The following KLC3 variants were observed in gnomAD, a reference collection of about 807,000 sequenced individuals.
KLC3 encodes the protein kinesin light chain 2.
KLC3 carries 72 observed loss-of-function variants against 62.9 expected under a neutral mutation model. The ratio of observed to expected loss-of-function variants is 1.15; its 90% CI spans 0.95 to 1.39. KLC3 has a LOEUF of 1.39. KLC3 is among the 40% of genes most tolerant of loss of function. The probability of loss-of-function intolerance (pLI) is 0.00; values close to 1 mark genes in which losing one functional copy is unlikely to be tolerated. For missense variants in KLC3, 848 were observed against 691.6 expected (o/e 1.23, Z -2.54); for synonymous variants, 377 against 300.5 (o/e 1.25, Z -2.63).
At chr19:45,343,124 C>A (rs571758434) in intron 1 of KLC3, among the ~76,000 whole-genome samples, 1 of 152,070 alleles carries the variant, frequency 6.6e-6, no homozygotes, top group East Asian at 1.9e-4. Flanking sequence ...GGGAAACTGG[C>A]GAGGGATCCA....
In KLC3 at chr19:45,350,587, C is replaced by G. The variant is rs375570963; in HGVS notation, c.1272+36C>G. On this transcript the variant is annotated intron_variant, in intron 10 of 12. Transcript: ENST00000391946. Reference sequence around the variant, plus strand: ...GCTGTGCTTCGGCTCCTGGGGTGGGCGTGGGGACTGCATGGGCCTGGGGGA... The same window carrying G: ...GCTGTGCTTCGGCTCCTGGGGTGGGGGTGGGGACTGCATGGGCCTGGGGGA... 6.6e-5 allele frequency: 107 copies of G among 1,613,764 alleles called. No individual in the cohort carries two copies. The African/African-American group carries it at 1.3e-3, about 19-fold the overall frequency.
At chr19:45,351,225 A>C in intron 12 of KLC3, 61 bp from the exon 13 acceptor site, 1 of 1,591,062 alleles carries the variant, frequency 6.3e-7, no homozygotes, top group South Asian at 1.1e-5. Context: ...CTGGAGCTGG[A>C]GGGTGGATGT....
At chr19:45,343,847 TTC>T (rs994110362) in intron 1 of KLC3, among the ~76,000 whole-genome samples, 2 of 151,994 alleles carry the variant, frequency 1.3e-5, no homozygotes, top group South Asian at 2.1e-4. Flanking sequence ...TGTCCTTTCT[TTC>T]TTTCTTTTTT....
At chr19:45,345,926 G>A in intron 2 of KLC3, 127 bp downstream of exon 2, 1 of 1,116,544 alleles carries the variant, frequency 9.0e-7, no homozygotes, top group African/African-American at 1.6e-5. Flanking sequence ...CACACTTTGG[G>A]AGGCTGAGGT....
intron 2 of KLC3, among the ~76,000 whole-genome samples, chr19:45,346,072 G>A (rs934463877): frequency 6.6e-6 from 1 of 152,192 alleles, no homozygotes; most frequent in South Asian, 2.1e-4. Flanking sequence ...TGAGGCATGA[G>A]AATCGCTTGA....
chr19:45,347,993 T>C lies in KLC3; in HGVS notation c.612T>C (p.Pro204=). The C allele has an allele frequency of 1.2e-6, 2 of 1,609,236 alleles. No individual in the cohort carries two copies. Among genetic ancestry groups the C allele is most frequent in the Non-Finnish European group, 1.7e-6 (2 of 1,178,044 alleles). The change falls in exon 5 of 13, where the codon CCT becomes CCC. Residue 204 remains proline, a synonymous_variant. Coordinates refer to ENST00000391946, the MANE Select transcript of KLC3 (RefSeq NM_177417.3). ...AAAQQGGYEI[P]ARLRTLHNLV... ...CTCAGCAGGGTGGCTATGAGATCCC[T>C]GCCCGCCTTCGGACCCTGCATAACC...
chr19:45,347,652 G>C (rs1971536178), intron 4 of KLC3, 136 bp downstream of exon 4: 5 of 794,072 alleles, frequency 6.3e-6, no homozygotes, highest in Non-Finnish European at 1.0e-5. Flanking sequence ...GAATGTGACA[G>C]TGCAGGTGAG....
chr19:45,347,352 A>AG, intron 3 of KLC3, 95 bp from the exon 4 acceptor site: 1 of 931,910 alleles, frequency 1.1e-6, no homozygotes. Flanking sequence ...AAAAAAAAAA[A>AG]AAAACAAAAA....
intron 3 of KLC3, 90 bp from the exon 4 acceptor site, chr19:45,347,354 AAAC>A (rs1192933843): frequency 9.2e-5 from 87 of 947,942 alleles, no homozygotes; most frequent in African/African-American, 1.6e-4. Flanking sequence ...AAAAAAAAAA[AAAC>A]AAAAAAACAA....
At chr19:45,344,363 G>A (rs183570534) in intron 1 of KLC3, among the ~76,000 whole-genome samples, 11 of 148,964 alleles carry the variant, frequency 7.4e-5, no homozygotes, top group African/African-American at 2.0e-4. Flanking sequence ...ACAGGCATGC[G>A]CCACCATGCT....
chr19:45,350,749 T>TGAGTGTTGATC lies in KLC3; in HGVS notation c.1379+3_1379+13dup, dbSNP rs983813733. On this transcript the variant is annotated splice_region_variant and intron_variant, in intron 11 of 12. Transcript: ENST00000391946. ...CGAGGCGGCGGCAGGAGCAGCCGGG[T>TGAGTGTTGATC]GAGTGTTGATCAGGTCGGCAAAGAG... is the stretch of plus-strand genomic sequence containing the variant. 2.5e-6 allele frequency: 4 copies of TGAGTGTTGATC among 1,607,252 alleles called. No individual in the cohort carries two copies. Among genetic ancestry groups the TGAGTGTTGATC allele is most frequent in the Non-Finnish European group, 3.4e-6 (4 of 1,177,402 alleles).
intron 1 of KLC3, among the ~76,000 whole-genome samples, chr19:45,341,251 G>C (rs1971388695): frequency 6.7e-6 from 1 of 149,654 alleles, no homozygotes; most frequent in African/African-American, 2.5e-5. Flanking sequence ...TCAGGCTGTG[G>C]GTATGAGGGT....
intron 1 of KLC3, among the ~76,000 whole-genome samples, chr19:45,341,186 T>TGTGTGTGTGTG (rs1568519123): frequency 1.4e-3 from 156 of 111,924 alleles, no homozygotes; most frequent in African/African-American, 4.9e-3. Context: ...CTGCCTGTGT[T>TGTGTGTGTGTG]TGTGTGTGTG....
At position 45,347,533 on chromosome 19, in the gene KLC3, C is replaced by T; in HGVS notation, c.559+17C>T. On this transcript the variant is annotated intron_variant, in intron 4 of 12. Coordinates refer to ENST00000391946, the MANE Select transcript of KLC3 (RefSeq NM_177417.3). ...AGAGGAAAGGTGGGTGTTGGGAGTA[C>T]ATGCCACAGAGGATGGCAGGCCAGG... 1.9e-6 allele frequency: 3 copies of T among 1,601,958 alleles called. No homozygotes were observed. Among genetic ancestry groups the T allele is most frequent in the Middle Eastern group, 1.7e-4 (1 of 5,984 alleles).
rs867029569 is a variant in KLC3 at position 45,341,583 on chromosome 19, G to A, written c.-9+737G>A. Among the ~76,000 whole-genome samples, 9 of 150,134 alleles carry A rather than the reference G, an allele frequency of 6.0e-5. No homozygotes were observed. In the South Asian group the frequency reaches 1.7e-3, roughly 28 times the overall value. On this transcript the variant is annotated intron_variant, in intron 1 of 12. Coordinates refer to ENST00000391946, the MANE Select transcript of KLC3 (RefSeq NM_177417.3). ...TGTGTGTGTGTGTGTGTGTGTGCGC[G>A]CGCGCGTGTGGTGGACAGTGTGGCA...
At chr19:45,341,214 GGCT>G (rs1429911153) in intron 1 of KLC3, among the ~76,000 whole-genome samples, 1 of 150,934 alleles carries the variant, frequency 6.6e-6, no homozygotes, top group Middle Eastern at 3.2e-3. Flanking sequence ...GTGTGTGTGT[GGCT>G]TTGCGTGTGT....
At chr19:45,349,889 C>T (rs1426936919) in intron 8 of KLC3, 22 of 470,784 alleles carry the variant, frequency 4.7e-5, no homozygotes, top group South Asian at 1.9e-4. Flanking sequence ...CCTCTTAGCC[C>T]GGTCCCCACA....
At chr19:45,347,347 A>C in intron 3 of KLC3, 100 bp from the exon 4 acceptor site, 1 of 897,598 alleles carries the variant, frequency 1.1e-6, no homozygotes, top group Non-Finnish European at 1.7e-6. Context: ...TCTCAAAAAA[A>C]AAAAAAAAAC....
rs904013464 is a variant in KLC3, at chr19:45,351,313, C to T, written c.1471C>T (p.Pro491Ser). Reference protein sequence around the residue: ...QFPSWHLDKAPRTLSASTQDL... With the variant: ...QFPSWHLDKASRTLSASTQDL... Reference sequence around the variant, plus strand: ...TCCCAGCTGGCACCTGGACAAGGCCCCTCGGACCCTCAGCGCCAGCACCCA... The same window carrying T: ...TCCCAGCTGGCACCTGGACAAGGCCTCTCGGACCCTCAGCGCCAGCACCCA... The change falls in exon 13 of 13, where the codon CCT (proline) becomes TCT (serine). Residue 491 changes from proline (P) to serine (S), a missense_variant. Transcript: ENST00000391946. The T allele has an allele frequency of 6.2e-7, 1 of 1,612,444 alleles. No individual in the cohort carries two copies. The highest frequency in any genetic ancestry group is 1.3e-5 in the African/African-American group (1 of 74,898).
Sources: gnomAD v4.1 joint callset for allele counts (sites outside exome capture counted in the v4.1 genomes callset) on GRCh38, gnomAD v4.1.1 for gene constraint, MANE v1.5 for transcripts, NCBI Gene and HGNC (gene_info 2026-07-23, HGNC 2026-07-21) for gene names.